The following FBP2 variants were observed in gnomAD, a reference collection of about 807,000 sequenced individuals.
FBP2 encodes the protein fructose-1,6-bisphosphatase isozyme 2.
Under a neutral mutation model 31.6 loss-of-function variants are expected in FBP2, and 27 were observed. The observed-to-expected ratio is 0.85, with a 90% confidence interval of 0.63 to 1.18. The LOEUF (loss-of-function observed/expected upper bound fraction) is 1.18, where lower values mean the gene tolerates loss of function less well. FBP2 is among the 50% of genes most tolerant of loss of function. The pLI, the probability that FBP2 is intolerant of heterozygous loss-of-function variation, is 0.00. For missense variants in FBP2, 421 were observed against 436.1 expected (o/e 0.97, Z 0.31); for synonymous variants, 168 against 179.8 (o/e 0.93, Z 0.53).
chr9:94,559,601 A>G (rs978781911), intron 6 of FBP2, among the ~76,000 whole-genome samples: 1 of 151,986 alleles, frequency 6.6e-6, no homozygotes, highest in Non-Finnish European at 1.5e-5. Flanking sequence ...AGTGGCTGGG[A>G]TTGTGTGGAG....
intron 3 of FBP2, among the ~76,000 whole-genome samples, chr9:94,575,085 T>G (rs183567499): frequency 6.6e-6 from 1 of 152,324 alleles, no homozygotes; most frequent in African/African-American, 2.4e-5. Context: ...TGGACTTTTT[T>G]CCTTTTTGTT....
At chr9:94,591,794 C>G (rs1001945759) in intron 1 of FBP2, among the ~76,000 whole-genome samples, 7 of 152,210 alleles carry the variant, frequency 4.6e-5, no homozygotes, top group African/African-American at 1.4e-4. Flanking sequence ...CTACTATACT[C>G]TCCATTTCAC....
chr9:94,571,456 A>G lies in FBP2; in HGVS notation c.567+6T>C. 6.2e-7 allele frequency: 1 copy of G among 1,607,784 alleles called. No individual in the cohort carries two copies. The highest frequency in any genetic ancestry group is 8.5e-7 in the Non-Finnish European group (1 of 1,177,166). On this transcript the variant is annotated splice_donor_region_variant and intron_variant, in intron 4 of 6. Transcript: ENST00000375337. Reference sequence around the variant, plus strand: ...AGGCACAGATGATGCCATATTCTGTACCTACCGGGTCAAGCATGAAGAGGT... The same window carrying G: ...AGGCACAGATGATGCCATATTCTGTGCCTACCGGGTCAAGCATGAAGAGGT...
At chr9:94,561,227 C>T (rs939793261) in intron 6 of FBP2, among the ~76,000 whole-genome samples, 32 of 152,238 alleles carry the variant, frequency 2.1e-4, no homozygotes, top group Middle Eastern at 3.4e-3. Context: ...GTACCTAATG[C>T]GCTTGTCTTG....
rs1827441808 is a variant in FBP2, at chr9:94,587,468, A to G, written c.172T>C (p.Tyr58His). 6.2e-7 allele frequency: 1 copy of G among 1,613,708 alleles called. No individual in the cohort carries two copies. ...AVRKAGLAHLYGIAGSVNVTG... is the reference protein window; with the variant it reads ...AVRKAGLAHLHGIAGSVNVTG... ...ACGTTAACGCTTCCTGCGATTCCAT[A>G]CCTGAGAAGACAAAAGGCTGAATGA... The change falls in exon 2 of 7, where the codon TAT becomes CAT. Residue 58 changes from tyrosine to histidine, a missense_variant and splice_region_variant. Physicochemically the swap from Tyr to His is moderately conservative, Grantham distance 83. Coordinates refer to ENST00000375337, the MANE Select transcript of FBP2 (RefSeq NM_003837.4).
intron 1 of FBP2, among the ~76,000 whole-genome samples, chr9:94,591,780 G>A (rs1340505596): frequency 6.6e-6 from 1 of 152,170 alleles, no homozygotes; most frequent in Non-Finnish European, 1.5e-5. Flanking sequence ...AAGAGTTAGG[G>A]ATGCTACTAT....
At chr9:94,580,241 G>C (rs563318906) in intron 3 of FBP2, among the ~76,000 whole-genome samples, 2 of 152,294 alleles carry the variant, frequency 1.3e-5, no homozygotes, top group Admixed American at 6.5e-5. Flanking sequence ...TTATTTGTTT[G>C]TTTGTTTGAG....
intron 3 of FBP2, among the ~76,000 whole-genome samples, chr9:94,572,826 T>G (rs1827283196): frequency 6.6e-6 from 1 of 152,262 alleles, no homozygotes. Flanking sequence ...TTTTGTGTGA[T>G]TGTAAATAGC....
At chr9:94,579,071 G>GAAAAAATT (rs1564185245) in intron 3 of FBP2, among the ~76,000 whole-genome samples, 6 of 87,222 alleles carry the variant, frequency 6.9e-5, no homozygotes, top group Admixed American at 1.3e-4. Flanking sequence ...AAAAAAAAAG[G>GAAAAAATT]TTATTTTAAA....
chr9:94,587,758 T>TG (rs1295408614), intron 1 of FBP2, among the ~76,000 whole-genome samples: 22 of 152,234 alleles, frequency 1.4e-4, no homozygotes, highest in Admixed American at 8.5e-4. Flanking sequence ...ATGGAGCAGA[T>TG]GGGGGGACTC....
At position 94,593,756 on chromosome 9, in the gene FBP2, C is replaced by G; in HGVS notation, c.-30G>C. 2 of 1,611,394 alleles carry G rather than the reference C, an allele frequency of 1.2e-6. No individual in the cohort carries two copies. Among genetic ancestry groups the G allele is most frequent in the Non-Finnish European group, 1.7e-6 (2 of 1,178,424 alleles). On this transcript the variant is annotated 5_prime_UTR_variant, in exon 1 of 7. Coordinates refer to ENST00000375337, the MANE Select transcript of FBP2 (RefSeq NM_003837.4). ...GCTGGAATGCTTCAAATCCTTTTCT[C>G]CCGGCAGGAAACCTTGCTTACTTCT... is the stretch of plus-strand genomic sequence containing the variant.
At chr9:94,570,463 A>T (rs1422922403) in intron 4 of FBP2, 5 of 152,248 alleles carry the variant, frequency 3.3e-5, no homozygotes, top group Non-Finnish European at 7.3e-5. Context: ...TGACATTTAA[A>T]TGCATTAATA....
At chr9:94,593,076 G>A (rs545958186) in intron 1 of FBP2, among the ~76,000 whole-genome samples, 12 of 152,338 alleles carry the variant, frequency 7.9e-5, no homozygotes, top group African/African-American at 2.9e-4. Context: ...TCCTTTAGAT[G>A]ATGAGAGAGC....
chr9:94,560,282 T>A (rs141337385), intron 6 of FBP2, among the ~76,000 whole-genome samples: 603 of 152,340 alleles, frequency 4.0e-3, no homozygotes, highest in African/African-American at 0.014. Flanking sequence ...TCTCTAACCC[T>A]CCTGCAGGCA....
chr9:94,590,714 G>A (rs1225086751), intron 1 of FBP2, among the ~76,000 whole-genome samples: 1 of 152,222 alleles, frequency 6.6e-6, no homozygotes, highest in Non-Finnish European at 1.5e-5. Context: ...CCACAGTGTG[G>A]AAAGAGACCC....
intron 4 of FBP2, chr9:94,570,427 G>A (rs1187589428): frequency 2.0e-5 from 3 of 152,176 alleles, no homozygotes; most frequent in Non-Finnish European, 2.9e-5. Flanking sequence ...GGGAATAATT[G>A]TAGGACATAT....
chr9:94,564,017 T>TA (rs956309488), intron 5 of FBP2, among the ~76,000 whole-genome samples: 32 of 152,252 alleles, frequency 2.1e-4, no homozygotes, highest in Admixed American at 1.8e-3. Context: ...CAAAGAGACT[T>TA]AGACACCCCC....
intron 6 of FBP2, among the ~76,000 whole-genome samples, chr9:94,562,494 C>T (rs1237461629): frequency 6.6e-6 from 1 of 152,004 alleles, no homozygotes; most frequent in African/African-American, 2.4e-5. Context: ...ATACACCAAC[C>T]TATTAAAATC....
At chr9:94,568,906 A>G (rs1169093741) in intron 4 of FBP2, 1 of 152,180 alleles carries the variant, frequency 6.6e-6, no homozygotes, top group Non-Finnish European at 1.5e-5. Context: ...CTTTAGAATT[A>G]CCAAGCAAAA....
Sources: gnomAD v4.1 joint callset for allele counts (sites outside exome capture counted in the v4.1 genomes callset) on GRCh38, gnomAD v4.1.1 for gene constraint, MANE v1.5 for transcripts, NCBI Gene and HGNC (gene_info 2026-07-23, HGNC 2026-07-21) for gene names.